The following EFHC1 variants were observed in gnomAD, a reference collection of about 807,000 sequenced individuals.
The protein encoded by EFHC1 is EF-hand domain containing 1, also known as EF-hand domain-containing protein 1.
EFHC1 carries 53 observed loss-of-function variants against 69.9 expected under a neutral mutation model. The ratio of observed to expected loss-of-function variants is 0.76; its 90% CI spans 0.61 to 0.95. The LOEUF (loss-of-function observed/expected upper bound fraction) is 0.95, where lower values mean the gene tolerates loss of function less well. Among genes scored for constraint, EFHC1 ranks in the 40% least tolerant of loss-of-function variants. The pLI, the probability that EFHC1 is intolerant of heterozygous loss-of-function variation, is 0.00. For synonymous variants in EFHC1, 256 were observed against 278.4 expected (o/e 0.92, Z 0.80); for missense variants, 739 against 798.7 (o/e 0.93, Z 0.90).
At chr6:52,464,393 AG>A (rs1187272071) in intron 5 of EFHC1, among the ~76,000 whole-genome samples, 1 of 152,160 alleles carries the variant, frequency 6.6e-6, no homozygotes, top group Non-Finnish European at 1.5e-5. Flanking sequence ...GTCTCCCCAA[AG>A]AGAATATTTT....
At chr6:52,460,900 G>A (rs961375474) in intron 5 of EFHC1, among the ~76,000 whole-genome samples, 3 of 152,112 alleles carry the variant, frequency 2.0e-5, no homozygotes, top group Non-Finnish European at 4.4e-5. Context: ...GATACAAAAA[G>A]TCGTGAATAA....
At chr6:52,478,961 C>T in intron 7 of EFHC1, 76 bp from the exon 8 acceptor site, 1 of 1,345,996 alleles carries the variant, frequency 7.4e-7, no homozygotes, top group South Asian at 1.2e-5. Context: ...TATACCTGGC[C>T]CCTATAGGCA....
At chr6:52,444,239 A>G (rs1764730688) in intron 3 of EFHC1, among the ~76,000 whole-genome samples, 1 of 152,082 alleles carries the variant, frequency 6.6e-6, no homozygotes, top group Non-Finnish European at 1.5e-5. Context: ...TGCAAACAGG[A>G]ACAATTTGAC....
At chr6:52,442,528 G>A (rs1253218076) in intron 3 of EFHC1, among the ~76,000 whole-genome samples, 2 of 150,540 alleles carry the variant, frequency 1.3e-5, no homozygotes, top group African/African-American at 4.9e-5. Flanking sequence ...TCCCACCTAT[G>A]AGTGAGAATA....
intron 7 of EFHC1, among the ~76,000 whole-genome samples, chr6:52,469,886 T>C (rs1765396614): frequency 6.6e-6 from 1 of 152,204 alleles, no homozygotes; most frequent in African/African-American, 2.4e-5. Context: ...ATATCTTGCC[T>C]GATATCTTGA....
chr6:52,438,655 A>C, intron 3 of EFHC1, 64 bp downstream of exon 3: 1 of 1,540,734 alleles, frequency 6.5e-7, no homozygotes, highest in Non-Finnish European at 9.0e-7. Flanking sequence ...AGAAGGATAC[A>C]TTTCATTTAT....
chr6:52,426,319 G>T (rs925555578), intron 2 of EFHC1, among the ~76,000 whole-genome samples: 1 of 152,122 alleles, frequency 6.6e-6, no homozygotes, highest in Admixed American at 6.5e-5. Context: ...TATGCCATCT[G>T]ACACTGTTGA....
chr6:52,470,130 G>A (rs998308653), intron 7 of EFHC1, among the ~76,000 whole-genome samples: 2 of 152,128 alleles, frequency 1.3e-5, no homozygotes, highest in African/African-American at 4.8e-5. Flanking sequence ...GGAATTAGGA[G>A]CTGGGGGTAG....
rs1766053599 is a variant in EFHC1 at position 52,496,189 on chromosome 6, T to G, written c.*3848T>G. On this transcript the variant is annotated 3_prime_UTR_variant, in exon 11 of 11. Transcript: ENST00000371068. Reference sequence around the variant, plus strand: ...AACTGGCCACCAGGGAGTTGAAAGATTCTAATACACACACACACCCACACA... The same window carrying G: ...AACTGGCCACCAGGGAGTTGAAAGAGTCTAATACACACACACACCCACACA... The G allele has an allele frequency of 6.3e-6, 1 of 158,620 alleles. No homozygotes were observed. Among genetic ancestry groups the G allele is most frequent in the African/African-American group, 2.5e-5 (1 of 40,434 alleles). 9.8% of individuals were successfully genotyped at this position (158,620 alleles called of 1,614,324 possible). A position where few individuals can be genotyped will look rare whatever the true frequency, so the allele number is the denominator to read the frequency against.
rs180986577 is a variant in EFHC1, at chr6:52,454,430, G to A, written c.916+143G>A. The stretch of plus-strand genomic sequence containing the variant: ...GATGCTCAGAAAATGGCTTCCCACA[G>A]CTTTCCTCCTTTACTTGCCCCTCGG... On this transcript the variant is annotated intron_variant, in intron 5 of 10. Transcript: ENST00000371068. The A allele has an allele frequency of 1.0e-4, 103 of 1,003,692 alleles. 1 individual carries two copies. The African/African-American group carries it at 1.3e-3, about 13-fold the overall frequency. The allele number at this position is 1,003,692 out of a possible 1,614,324, so 62.2% of individuals were successfully genotyped here.
intron 6 of EFHC1, chr6:52,468,441 G>C (rs985186666): frequency 3.3e-5 from 5 of 152,202 alleles, no homozygotes; most frequent in Non-Finnish European, 7.3e-5. Flanking sequence ...CAGGGGAAGT[G>C]AGTATATTCA....
Position 52,479,729 on chromosome 6 carries a change from C to T in EFHC1, c.1582C>T (p.Leu528Phe). 1 of 1,614,246 alleles carries T rather than the reference C, an allele frequency of 6.2e-7. No individual in the cohort carries two copies. Among genetic ancestry groups the T allele is most frequent in the Non-Finnish European group, 8.5e-7 (1 of 1,180,042 alleles). The change falls in exon 9 of 11, where the codon CTC becomes TTC. Residue 528 changes from leucine (L) to phenylalanine (F), a missense_variant. Physicochemically the swap from Leu to Phe is conservative, Grantham distance 22. Coordinates refer to ENST00000371068, the MANE Select transcript of EFHC1 (RefSeq NM_018100.4). ...CGCTGCCCAGTATTCACCAGAAGCA[C>T]TCGCGTCAATTCAGAACCATGTCCG... ...SNAAQYSPEA[L>F]ASIQNHVRKR...
intron 9 of EFHC1, 153 bp downstream of exon 9, chr6:52,479,940 A>T: frequency 8.4e-7 from 1 of 1,196,882 alleles, no homozygotes; most frequent in Non-Finnish European, 1.2e-6. Context: ...TGTCAATGTA[A>T]TAGCTAGTAA....
At chr6:52,462,369 T>G (rs1198875348) in intron 5 of EFHC1, among the ~76,000 whole-genome samples, 2 of 151,784 alleles carry the variant, frequency 1.3e-5, no homozygotes, top group Non-Finnish European at 2.9e-5. Flanking sequence ...GCATATTTCT[T>G]AAAAAGTTAG....
intron 4 of EFHC1, chr6:52,453,083 ATT>A (rs1181021037): frequency 6.1e-6 from 9 of 1,477,732 alleles, no homozygotes; most frequent in Non-Finnish European, 8.1e-6. Flanking sequence ...CTCACCAAAC[ATT>A]TAAATCTCAA....
At chr6:52,441,708 G>A (rs1764669001) in intron 3 of EFHC1, among the ~76,000 whole-genome samples, 1 of 152,074 alleles carries the variant, frequency 6.6e-6, no homozygotes, top group Admixed American at 6.6e-5. Flanking sequence ...TGACTGTAAA[G>A]ATATTGATTT....
intron 3 of EFHC1, among the ~76,000 whole-genome samples, chr6:52,450,262 G>T (rs1470273069): frequency 6.6e-6 from 1 of 152,184 alleles, no homozygotes; most frequent in African/African-American, 2.4e-5. Context: ...ATGTGGTGAT[G>T]AGAATAACGT....
intron 2 of EFHC1, among the ~76,000 whole-genome samples, chr6:52,432,518 G>A (rs1240095237): frequency 6.6e-6 from 1 of 152,114 alleles, no homozygotes; most frequent in African/African-American, 2.4e-5. Context: ...GTTTAAGGAG[G>A]CTGAAGATAG....
intron 3 of EFHC1, among the ~76,000 whole-genome samples, chr6:52,447,023 T>G (rs955203744): frequency 2.6e-5 from 4 of 152,218 alleles, no homozygotes; most frequent in Admixed American, 1.3e-4. Flanking sequence ...CTTTGGTGAA[T>G]CTGACAATTA....
Sources: allele counts gnomAD v4.1 joint callset (sites outside exome capture counted in the v4.1 genomes callset), GRCh38; gene constraint gnomAD v4.1.1; transcripts MANE v1.5; gene names NCBI Gene and HGNC (gene_info 2026-07-23, HGNC 2026-07-21).